EVL: variants seen among roughly 807,000 people sequenced by gnomAD.
EVL encodes Enah/Vasp-like, also known as ena/VASP-like protein.
EVL carries 21 observed loss-of-function variants against 59.6 expected under a neutral mutation model. That is an observed-to-expected ratio of 0.35 (90% CI 0.25 to 0.51). The LOEUF (loss-of-function observed/expected upper bound fraction) is 0.51. EVL is among the 20% of genes least tolerant of loss of function. The pLI, the probability that EVL is intolerant of heterozygous loss-of-function variation, is 0.97. For missense variants in EVL, 462 were observed against 546.6 expected (o/e 0.85, Z 1.54); for synonymous variants, 198 against 203.5 (o/e 0.97, Z 0.23).
intron 1 of EVL, among the ~76,000 whole-genome samples, chr14:100,034,626 A>G (rs1026619041): frequency 6.6e-6 from 1 of 152,116 alleles, no homozygotes; most frequent in Non-Finnish European, 1.5e-5. Context: ...GGGCCCAGCT[A>G]ATCAGGAGGC....
In EVL at chr14:100,130,948, G is replaced by A. The variant is rs540122566; in HGVS notation, c.839+1264G>A. On this transcript the variant is annotated intron_variant, in intron 7 of 13. Transcript: ENST00000392920. The surrounding 1 kb of genome is among the most constrained non-coding windows in gnomAD (Gnocchi z 4.8). ...GGGCTTACAGTGGCCACACAAAGGCGAATGGCTCCGTGGGTGAGAGAGCCG... is the reference window on the plus strand; with the variant it reads ...GGGCTTACAGTGGCCACACAAAGGCAAATGGCTCCGTGGGTGAGAGAGCCG... Among the ~76,000 whole-genome samples, 7 of 152,342 alleles carry A rather than the reference G, an allele frequency of 4.6e-5. No homozygotes were observed. Among genetic ancestry groups the A allele is most frequent in the Non-Finnish European group, 7.3e-5 (5 of 68,038 alleles).
chr14:100,042,579 G>A lies in EVL; in HGVS notation c.6-42108G>A, dbSNP rs149172503. On this transcript the variant is annotated intron_variant, in intron 1 of 13. Coordinates refer to the EVL transcript ENST00000402714. ...GACCTCTGGCCAGGGTGAGCATGCC[G>A]TGAGGGTGCTTCAGTAGCATTCACT... 9.1e-4 allele frequency among the ~76,000 whole-genome samples: 138 copies of A among 152,298 alleles called. No individual in the cohort carries two copies. The Middle Eastern group carries it at 0.01, about 11-fold the overall frequency.
At chr14:99,978,987 TTTTC>T (rs2060788782) in intron 1 of EVL, among the ~76,000 whole-genome samples, 2 of 152,196 alleles carry the variant, frequency 1.3e-5, no homozygotes, top group South Asian at 4.1e-4. Context: ...AAGTCTCAGT[TTTTC>T]TTTATTTTCT....
At chr14:100,077,060 A>G (rs1374825594) in intron 1 of EVL, among the ~76,000 whole-genome samples, 1 of 152,210 alleles carries the variant, frequency 6.6e-6, no homozygotes, top group Non-Finnish European at 1.5e-5. Context: ...GTATGAGGTC[A>G]TATAGCTGGT....
intron 2 of EVL, among the ~76,000 whole-genome samples, chr14:100,094,762 C>T (rs1006454825): frequency 4.8e-5 from 7 of 146,250 alleles, no homozygotes; most frequent in African/African-American, 1.8e-4. Context: ...ATACTACGGG[C>T]CAGGCACGGT....
Position 100,011,502 on chromosome 14 carries a change from C to T in EVL, c.5+39445C>T, listed in dbSNP as rs2061016696. 5.3e-5 allele frequency among the ~76,000 whole-genome samples: 8 copies of T among 152,118 alleles called. No homozygotes were observed. The South Asian group carries it at 1.5e-3, about 28-fold the overall frequency. ...ATCTAACTTTGCAAGATTAATCAGCCTTTGACACATATATACTAAATATTT... is the reference window on the plus strand; with the variant it reads ...ATCTAACTTTGCAAGATTAATCAGCTTTTGACACATATATACTAAATATTT... On this transcript the variant is annotated intron_variant, in intron 1 of 13. Transcript: ENST00000402714.
At chr14:100,009,567 A>G (rs1401140485) in intron 1 of EVL, among the ~76,000 whole-genome samples, 1 of 152,210 alleles carries the variant, frequency 6.6e-6, no homozygotes, top group East Asian at 1.9e-4. Context: ...CCAGTTCCCT[A>G]ACCTCTGTGG....
chr14:100,088,527 C>G (rs1359601331), intron 2 of EVL, among the ~76,000 whole-genome samples: 2 of 152,138 alleles, frequency 1.3e-5, no homozygotes, highest in Non-Finnish European at 2.9e-5. Flanking sequence ...GGCTACAAAC[C>G]CATACAGCAT....
chr14:99,981,169 C>A lies in EVL; in HGVS notation c.5+9112C>A, dbSNP rs190208877. ...ATAGGCCAGGCATGGTGACTCACACCTGTAATCCCAGCACTTTGGGAGTTT... is the reference window on the plus strand; with the variant it reads ...ATAGGCCAGGCATGGTGACTCACACATGTAATCCCAGCACTTTGGGAGTTT... On this transcript the variant is annotated intron_variant, in intron 1 of 13. Coordinates refer to the EVL transcript ENST00000402714. Among the ~76,000 whole-genome samples the A allele has an allele frequency of 4.3e-4, 65 of 152,176 alleles. No homozygotes were observed. In the East Asian group the frequency reaches 0.012, roughly 29 times the overall value.
intron 1 of EVL, among the ~76,000 whole-genome samples, chr14:100,016,487 C>T (rs980753681): frequency 6.6e-6 from 1 of 152,226 alleles, no homozygotes; most frequent in African/African-American, 2.4e-5. Context: ...TGAGATTGCG[C>T]CACTGCACTG....
At chr14:100,062,928 A>G (rs2061863142), upstream of EVL, among the ~76,000 whole-genome samples, 2 of 152,092 alleles carry the variant, frequency 1.3e-5, no homozygotes, top group South Asian at 2.1e-4. Context: ...CCCCATCTCT[A>G]TTTAAAAAAC....
intron 1 of EVL, among the ~76,000 whole-genome samples, chr14:100,075,910 T>C (rs2062151864): frequency 6.6e-6 from 1 of 152,178 alleles, no homozygotes; most frequent in South Asian, 2.1e-4. Flanking sequence ...TGTTCTCCCT[T>C]CCCATTCTCA....
At chr14:99,981,548 C>T (rs1436706475) in intron 1 of EVL, among the ~76,000 whole-genome samples, 1 of 152,090 alleles carries the variant, frequency 6.6e-6, no homozygotes, top group Non-Finnish European at 1.5e-5. Context: ...GTGTACTGCC[C>T]ATGTTTGAGG....
intron 1 of EVL, among the ~76,000 whole-genome samples, chr14:100,060,292 G>A (rs1457341204): frequency 1.3e-5 from 2 of 151,952 alleles, no homozygotes; most frequent in African/African-American, 2.4e-5. Flanking sequence ...TTAGCCGGGC[G>A]TGGTGGCGGG....
chr14:100,144,039 T>C lies in EVL; in HGVS notation c.*301T>C. On this transcript the variant is annotated 3_prime_UTR_variant, in exon 14 of 14. Transcript: ENST00000392920. ...AGACGCCCCTAAGTCACCTGCTTCATTAGACGGTTTCCAGGTTTTCTCCCA... is the reference window on the plus strand; with the variant it reads ...AGACGCCCCTAAGTCACCTGCTTCACTAGACGGTTTCCAGGTTTTCTCCCA... The C allele has an allele frequency of 2.3e-6, 1 of 433,512 alleles. No homozygotes were observed. Among genetic ancestry groups the C allele is most frequent in the South Asian group, 3.3e-5 (1 of 30,554 alleles). 26.9% of individuals were successfully genotyped at this position (433,512 alleles called of 1,614,324 possible).
At chr14:100,006,418 G>A (rs1363152003) in intron 1 of EVL, among the ~76,000 whole-genome samples, 1 of 151,812 alleles carries the variant, frequency 6.6e-6, no homozygotes, top group Non-Finnish European at 1.5e-5. Flanking sequence ...CCAAGTAGCG[G>A]GGATTACAGG....
At chr14:100,050,009 T>C (rs2061620891) in intron 1 of EVL, among the ~76,000 whole-genome samples, 4 of 152,238 alleles carry the variant, frequency 2.6e-5, no homozygotes, top group Admixed American at 2.6e-4. Context: ...TGCACACATT[T>C]TCTGGCCCCT....
intron 3 of EVL, among the ~76,000 whole-genome samples, chr14:100,122,140 CAG>C (rs1247966963): frequency 2.0e-5 from 3 of 152,192 alleles, no homozygotes; most frequent in South Asian, 2.1e-4. Context: ...GAGTGGCAGT[CAG>C]GGGGCGGGGG....
intron 1 of EVL, among the ~76,000 whole-genome samples, chr14:100,059,554 G>A (rs1031945994): frequency 6.6e-6 from 1 of 152,164 alleles, no homozygotes; most frequent in East Asian, 1.9e-4. Flanking sequence ...GGCAGAGATC[G>A]CCTGCTGTAG....
Sources: allele counts gnomAD v4.1 joint callset (sites outside exome capture counted in the v4.1 genomes callset), GRCh38; gene constraint gnomAD v4.1.1; non-coding constraint Gnocchi (gnomAD v3.1); transcripts MANE v1.5; gene names NCBI Gene and HGNC (gene_info 2026-07-23, HGNC 2026-07-21).